Variants in DIP2C observed in about 807,000 individuals in gnomAD.
The protein encoded by DIP2C is DIP2 acetate--CoA ligase C (putative).
A neutral mutation model predicts 192.4 loss-of-function variants in DIP2C; 33 were observed. The observed-to-expected ratio is 0.17, with a 90% CI of 0.13 to 0.23. The LOEUF (loss-of-function observed/expected upper bound fraction) is 0.23. Ranked by LOEUF, DIP2C falls within the 10% of genes least tolerant of loss-of-function variation. The pLI is 1.00. For synonymous variants in DIP2C, 979 were observed against 864.1 expected (o/e 1.13, Z -2.33); for missense variants, 1,537 against 2,110.1 (o/e 0.73, Z 5.32).
chr10:563,194 A>T (rs2131477075), intron 1 of DIP2C, among the ~76,000 whole-genome samples: 1 of 152,376 alleles, frequency 6.6e-6, no homozygotes, highest in South Asian at 2.1e-4. Flanking sequence ...AGACTGTTCC[A>T]CAGTGCCCTG....
chr10:670,457 A>C (rs1027007429), intron 1 of DIP2C, among the ~76,000 whole-genome samples: 1 of 152,204 alleles, frequency 6.6e-6, no homozygotes, highest in African/African-American at 2.4e-5. Context: ...ATAATCACAA[A>C]ACAGGGTAGG....
At chr10:509,633 T>C (rs116857386) in intron 1 of DIP2C, among the ~76,000 whole-genome samples, 2,335 of 152,152 alleles carry the variant, frequency 0.015, 18 homozygotes, top group Non-Finnish European at 0.022. Context: ...GTAGGCAGTG[T>C]TTTGGAGGGT....
intron 25 of DIP2C, among the ~76,000 whole-genome samples, 195 bp from the exon 26 acceptor site, chr10:348,957 G>C (rs750374954): frequency 6.6e-6 from 1 of 152,184 alleles, no homozygotes; most frequent in Non-Finnish European, 1.5e-5. Context: ...TCAGACATGA[G>C]GTGACGAGGC....
At chr10:535,850 C>T (rs1158948969) in intron 1 of DIP2C, among the ~76,000 whole-genome samples, 2 of 152,210 alleles carry the variant, frequency 1.3e-5, no homozygotes, top group Admixed American at 1.3e-4. Context: ...TTGCAGTGTA[C>T]TCTGAGAATT....
chr10:465,844 C>G (rs993252250), intron 3 of DIP2C, among the ~76,000 whole-genome samples: 1 of 150,818 alleles, frequency 6.6e-6, no homozygotes, highest in African/African-American at 2.4e-5. Flanking sequence ...ATGTGAAGGA[C>G]CTCTTCAAGG....
At chr10:611,982 GATCT>G (rs57806028) in intron 1 of DIP2C, among the ~76,000 whole-genome samples, 105,625 of 151,626 alleles carry the variant, frequency 0.7, 42,412 homozygotes, top group Non-Finnish European at 0.88. Flanking sequence ...TTTTTTAAGG[GATCT>G]ATTATAGTTA....
chr10:445,436 G>A (rs1434246887), intron 3 of DIP2C, among the ~76,000 whole-genome samples: 2 of 149,170 alleles, frequency 1.3e-5, no homozygotes, highest in Non-Finnish European at 1.5e-5. Flanking sequence ...CTGGACATCT[G>A]TATATATCTG....
At chr10:512,811 G>A (rs1371605243) in intron 1 of DIP2C, among the ~76,000 whole-genome samples, 1 of 151,414 alleles carries the variant, frequency 6.6e-6, no homozygotes, top group Non-Finnish European at 1.5e-5. Flanking sequence ...CTACTAGGGA[G>A]GCTGAGGGAG....
At chr10:586,883 C>T (rs1021382862) in intron 1 of DIP2C, among the ~76,000 whole-genome samples, 9 of 152,156 alleles carry the variant, frequency 5.9e-5, no homozygotes, top group Non-Finnish European at 8.8e-5. Flanking sequence ...TGGGGAGGGG[C>T]GACCAGCATG....
At chr10:459,253 CAAA>C (rs1969555230) in intron 3 of DIP2C, among the ~76,000 whole-genome samples, 1 of 151,746 alleles carries the variant, frequency 6.6e-6, no homozygotes, top group Admixed American at 6.6e-5. Context: ...ACTCAGGAGA[CAAA>C]GAGTCAACAG....
intron 1 of DIP2C, among the ~76,000 whole-genome samples, chr10:580,081 G>GTA (rs1850508907): frequency 6.6e-6 from 1 of 152,068 alleles, no homozygotes; most frequent in Non-Finnish European, 1.5e-5. Flanking sequence ...CATGCATATA[G>GTA]CATACACATG....
rs546023123 is a variant in DIP2C at position 321,530 on chromosome 10, C to T, written c.3924+5476G>A. Among the ~76,000 whole-genome samples, 31 of 85,354 alleles carry T rather than the reference C, an allele frequency of 3.6e-4. 1 individual carries two copies. Among genetic ancestry groups the T allele is most frequent in the African/African-American group, 1.0e-3 (31 of 29,586 alleles). 56.0% of individuals were successfully genotyped at this position (85,354 alleles called of 152,430 possible). ...AGAGTGCACAGTCAGGGAAGGCCTG[C>T]GGGGGCTCCAGCGAGAGACCGGCGC... On this transcript the variant is annotated intron_variant, in intron 31 of 36. Transcript: ENST00000280886.
At chr10:332,639 C>A (rs1282007155) in intron 29 of DIP2C, among the ~76,000 whole-genome samples, 1 of 152,184 alleles carries the variant, frequency 6.6e-6, no homozygotes, top group East Asian at 1.9e-4. Context: ...ATGTTGGGAA[C>A]CTGAGCTGTT....
intron 1 of DIP2C, among the ~76,000 whole-genome samples, chr10:552,404 T>C (rs1373311376): frequency 1.3e-5 from 2 of 152,258 alleles, no homozygotes; most frequent in Non-Finnish European, 2.9e-5. Context: ...AGGTTGTTTA[T>C]ACTTTTGCTT....
intron 3 of DIP2C, among the ~76,000 whole-genome samples, chr10:462,359 C>T (rs1008671427): frequency 6.6e-6 from 1 of 152,118 alleles, no homozygotes; most frequent in Admixed American, 6.5e-5. Context: ...CCACTGATCC[C>T]ACAGAAATAC....
At chr10:581,513 C>A (rs1316013235) in intron 1 of DIP2C, among the ~76,000 whole-genome samples, 1 of 151,884 alleles carries the variant, frequency 6.6e-6, no homozygotes, top group African/African-American at 2.4e-5. Context: ...TTAAAAGCCT[C>A]TAGAAAAAGA....
At chr10:537,751 T>TG (rs905816524) in intron 1 of DIP2C, among the ~76,000 whole-genome samples, 3 of 152,136 alleles carry the variant, frequency 2.0e-5, no homozygotes, top group Admixed American at 2.0e-4. Context: ...GCAAAGCTCT[T>TG]GGGGTCTCCC....
chr10:562,847 C>A (rs1347073591), intron 1 of DIP2C, among the ~76,000 whole-genome samples: 2 of 152,212 alleles, frequency 1.3e-5, no homozygotes, highest in African/African-American at 2.4e-5. Context: ...CAGTGCACAA[C>A]CAGCAGTGAC....
chr10:573,730 T>C (rs1321463882), intron 1 of DIP2C, among the ~76,000 whole-genome samples: 1 of 152,112 alleles, frequency 6.6e-6, no homozygotes, highest in East Asian at 1.9e-4. Context: ...CTTTTCTTTT[T>C]AAGTGATTAT....
Sources: gnomAD v4.1 joint callset for allele counts (sites outside exome capture counted in the v4.1 genomes callset) on GRCh38, gnomAD v4.1.1 for gene constraint, MANE v1.5 for transcripts, NCBI Gene and HGNC (gene_info 2026-07-23, HGNC 2026-07-21) for gene names.